TMEFF1: variants seen among roughly 807,000 people sequenced by gnomAD.
TMEFF1 encodes tomoregulin-1.
TMEFF1 carries 20 observed loss-of-function variants against 47.5 expected under a neutral mutation model. The observed-to-expected ratio is 0.42, with a 90% CI of 0.30 to 0.61. TMEFF1 has a LOEUF of 0.61. TMEFF1 is among the 20% of genes least tolerant of loss of function. The pLI, the probability that TMEFF1 is intolerant of heterozygous loss-of-function variation, is 0.19. For missense variants in TMEFF1, 411 were observed against 471.1 expected (o/e 0.87, Z 1.18); for synonymous variants, 162 against 166.3 (o/e 0.97, Z 0.20).
intron 5 of TMEFF1, among the ~76,000 whole-genome samples, chr9:100,546,250 T>C (rs1228610657): frequency 6.6e-6 from 1 of 152,130 alleles, no homozygotes; most frequent in Non-Finnish European, 1.5e-5. Flanking sequence ...CCCACGTGGC[T>C]GGGGAGGCCT....
chr9:100,484,852 T>C lies in TMEFF1; in HGVS notation c.196+11112T>C, dbSNP rs557401341. 4.0e-5 allele frequency among the ~76,000 whole-genome samples: 6 copies of C among 151,894 alleles called. No individual in the cohort carries two copies. In the South Asian group the frequency reaches 8.4e-4, roughly 21 times the overall value. On this transcript the variant is annotated intron_variant, in intron 1 of 9. Coordinates refer to ENST00000374879, the MANE Select transcript of TMEFF1 (RefSeq NM_003692.5). ...GTCACTGCGCCTGGCTAATTTTGTA[T>C]TTTTAGTAGAGACGGAGTTTCACTG... is the stretch of plus-strand genomic sequence containing the variant.
At chr9:100,524,799 A>C (rs1178785994) in intron 5 of TMEFF1, among the ~76,000 whole-genome samples, 1 of 151,956 alleles carries the variant, frequency 6.6e-6, no homozygotes, top group Non-Finnish European at 1.5e-5. Flanking sequence ...CAACGTGCAG[A>C]TTTGTTACAT....
chr9:100,509,569 T>G (rs1330912945), intron 3 of TMEFF1, among the ~76,000 whole-genome samples: 1 of 151,916 alleles, frequency 6.6e-6, no homozygotes, highest in Non-Finnish European at 1.5e-5. Context: ...GTCAGGAGAT[T>G]GAGACCATCC....
At chr9:100,566,004 T>C (rs546894820) in intron 8 of TMEFF1, among the ~76,000 whole-genome samples, 1 of 152,336 alleles carries the variant, frequency 6.6e-6, no homozygotes, top group South Asian at 2.1e-4. Flanking sequence ...AATTCAGTGG[T>C]CAGTACTTAG....
chr9:100,527,794 A>C (rs1838292865), intron 5 of TMEFF1, among the ~76,000 whole-genome samples: 4 of 152,230 alleles, frequency 2.6e-5, no homozygotes, highest in African/African-American at 7.2e-5. Flanking sequence ...GGCAGGGCAC[A>C]GACAAACAAA....
intron 1 of TMEFF1, among the ~76,000 whole-genome samples, chr9:100,481,950 T>G (rs1837344873): frequency 6.6e-6 from 1 of 151,618 alleles, no homozygotes; most frequent in Non-Finnish European, 1.5e-5. Context: ...CCCAGCTAAT[T>G]TTTGTATTTT....
intron 1 of TMEFF1, among the ~76,000 whole-genome samples, chr9:100,483,036 T>C (rs1200643045): frequency 6.6e-6 from 1 of 152,206 alleles, no homozygotes; most frequent in East Asian, 1.9e-4. Flanking sequence ...CTAAATTCTT[T>C]AGGTGGATAT....
rs150752345 is a variant in TMEFF1, at chr9:100,477,617, C to T, written c.196+3877C>T. On this transcript the variant is annotated intron_variant, in intron 1 of 9. Transcript: ENST00000374879. ...CAGATGTTTTTCTGGATCTGCATTC[C>T]GCCTTTTTTTTTTTTTTTTTTTTTT... Among the ~76,000 whole-genome samples the T allele has an allele frequency of 2.6e-3, 376 of 146,764 alleles. 2 individuals are homozygous for T. The highest frequency in any genetic ancestry group is 0.019 in the South Asian group (87 of 4,684).
intron 9 of TMEFF1, among the ~76,000 whole-genome samples, chr9:100,574,189 A>C (rs1345625320): frequency 6.6e-6 from 1 of 152,224 alleles, no homozygotes; most frequent in East Asian, 1.9e-4. Context: ...GTTTTTGAGC[A>C]GGGGAAGGAC....
chr9:100,560,940 A>C (rs920021374), intron 7 of TMEFF1, among the ~76,000 whole-genome samples: 6 of 152,218 alleles, frequency 3.9e-5, no homozygotes, highest in African/African-American at 1.2e-4. Context: ...AAAATTTCAG[A>C]GTCCCTTAAT....
intron 1 of TMEFF1, among the ~76,000 whole-genome samples, chr9:100,479,078 G>T (rs1167487445): frequency 6.6e-6 from 1 of 152,142 alleles, no homozygotes; most frequent in African/African-American, 2.4e-5. Flanking sequence ...CAGGATTCTT[G>T]GGAATAAAAG....
intron 1 of TMEFF1, among the ~76,000 whole-genome samples, chr9:100,490,988 G>T (rs930415246): frequency 6.6e-6 from 1 of 151,870 alleles, no homozygotes; most frequent in African/African-American, 2.4e-5. Flanking sequence ...CTACAGGCCT[G>T]CATCACAGTG....
At chr9:100,538,809 A>G (rs765450056) in intron 5 of TMEFF1, among the ~76,000 whole-genome samples, 7 of 152,090 alleles carry the variant, frequency 4.6e-5, no homozygotes, top group Non-Finnish European at 1.5e-5. Context: ...TTTACAGTCC[A>G]TTTTACTTTC....
At chr9:100,546,933 A>T (rs1373713357) in intron 5 of TMEFF1, among the ~76,000 whole-genome samples, 2 of 152,206 alleles carry the variant, frequency 1.3e-5, no homozygotes, top group Non-Finnish European at 2.9e-5. Flanking sequence ...ATAGACATGT[A>T]GCTAGAAAAC....
At chr9:100,572,281 A>G (rs1839254961) in intron 8 of TMEFF1, among the ~76,000 whole-genome samples, 2 of 152,220 alleles carry the variant, frequency 1.3e-5, no homozygotes, top group Admixed American at 1.3e-4. Flanking sequence ...TACATTAACA[A>G]TATTCAGCAA....
At chr9:100,574,133 C>A (rs1839304516) in intron 9 of TMEFF1, among the ~76,000 whole-genome samples, 1 of 152,158 alleles carries the variant, frequency 6.6e-6, no homozygotes, top group African/African-American at 2.4e-5. Context: ...CCAGTATGAC[C>A]ATTGCATGGG....
At chr9:100,560,377 CTG>C (rs1838992694) in intron 7 of TMEFF1, among the ~76,000 whole-genome samples, 1 of 152,116 alleles carries the variant, frequency 6.6e-6, no homozygotes, top group South Asian at 2.1e-4. Flanking sequence ...TTAGCTAGAA[CTG>C]TGTAAGATAG....
At position 100,531,020 on chromosome 9, in the gene TMEFF1, T is replaced by G. The variant is rs980147792; in HGVS notation, c.560+14249T>G. On this transcript the variant is annotated intron_variant, in intron 5 of 9. Transcript: ENST00000374879. ...ATCTCAATAGATGCAGAAAAAGCCT[T>G]TGACAAAATTCAACAACCCTTCATG... Among the ~76,000 whole-genome samples the G allele has an allele frequency of 6.7e-3, 1,010 of 151,470 alleles. 14 individuals carry two copies. The highest frequency in any genetic ancestry group is 0.023 in the African/African-American group (955 of 41,330).
chr9:100,493,842 TC>T (rs1837602072), intron 1 of TMEFF1, among the ~76,000 whole-genome samples: 1 of 152,152 alleles, frequency 6.6e-6, no homozygotes, highest in Non-Finnish European at 1.5e-5. Context: ...CAAAATAGAT[TC>T]CTTCTGTATT....
Sources: allele counts gnomAD v4.1 joint callset (sites outside exome capture counted in the v4.1 genomes callset), GRCh38; gene constraint gnomAD v4.1.1; transcripts MANE v1.5; gene names NCBI Gene and HGNC (gene_info 2026-07-23, HGNC 2026-07-21).